Variants in KAT6B observed in about 807,000 individuals in gnomAD.
The protein encoded by KAT6B is lysine acetyltransferase 6B.
Under a neutral mutation model 187.5 loss-of-function variants are expected in KAT6B, and 10 were observed. The observed-to-expected ratio is 0.05, with a 90% CI of 0.03 to 0.09. The LOEUF (loss-of-function observed/expected upper bound fraction) is 0.09, where lower values mean the gene tolerates loss of function less well. Ranked by LOEUF, KAT6B falls within the 10% of genes least tolerant of loss-of-function variation. KAT6B has a pLI of 1.00. For synonymous variants in KAT6B, 861 were observed against 926.8 expected (o/e 0.93, Z 1.29); for missense variants, 1,952 against 2,558.9 (o/e 0.76, Z 5.12).
chr10:75,013,561 C>G (rs1032249538), intron 13 of KAT6B, among the ~76,000 whole-genome samples: 2 of 151,990 alleles, frequency 1.3e-5, no homozygotes, highest in Non-Finnish European at 2.9e-5. Context: ...CTGTTGTTTC[C>G]CTTCTGTCCA....
chr10:75,018,850 G>T (rs1301237774), intron 13 of KAT6B, among the ~76,000 whole-genome samples: 1 of 152,128 alleles, frequency 6.6e-6, no homozygotes, highest in African/African-American at 2.4e-5. Flanking sequence ...AAAGGGAATG[G>T]TTCTATATCC....
At chr10:74,957,238 G>A (rs1315555845) in intron 3 of KAT6B, among the ~76,000 whole-genome samples, 1 of 152,176 alleles carries the variant, frequency 6.6e-6, no homozygotes, top group South Asian at 2.1e-4. Flanking sequence ...TTGGCTACAC[G>A]GAGGTTAGCA....
At chr10:74,849,299 C>CT (rs11382578) in intron 3 of KAT6B, among the ~76,000 whole-genome samples, 42,686 of 145,384 alleles carry the variant, frequency 0.29, 10,385 homozygotes, top group African/African-American at 0.65. Flanking sequence ...TAACTAATGA[C>CT]TTTTTTTTTT....
intron 1 of KAT6B, among the ~76,000 whole-genome samples, chr10:74,836,461 A>G (rs990537344): frequency 1.3e-5 from 2 of 152,244 alleles, no homozygotes; most frequent in African/African-American, 4.8e-5. Context: ...TATTCCCCAT[A>G]GTACCTACCA....
At chr10:74,996,158 TCTTTA>T (rs1307734461) in intron 13 of KAT6B, among the ~76,000 whole-genome samples, 1 of 152,184 alleles carries the variant, frequency 6.6e-6, no homozygotes, top group Non-Finnish European at 1.5e-5. Context: ...ATTTTTTACC[TCTTTA>T]CTTTAACCTT....
chr10:74,912,627 C>G (rs1847327699), intron 3 of KAT6B, among the ~76,000 whole-genome samples: 1 of 152,170 alleles, frequency 6.6e-6, no homozygotes, highest in African/African-American at 2.4e-5. Context: ...TCTTTAACAT[C>G]AGTTATAACA....
At chr10:75,007,458 A>AT (rs956607092) in intron 13 of KAT6B, among the ~76,000 whole-genome samples, 221 of 149,276 alleles carry the variant, frequency 1.5e-3, no homozygotes, top group Middle Eastern at 7.0e-3. Context: ...TGACATTAAG[A>AT]TTTTTTTTTT....
At chr10:74,970,203 T>A in intron 6 of KAT6B, 102 bp downstream of exon 6, 1 of 819,932 alleles carries the variant, frequency 1.2e-6, no homozygotes, top group Non-Finnish European at 2.1e-6. Context: ...TAAGCATTTT[T>A]TTCATCCCTC....
In KAT6B at chr10:74,975,692, G is replaced by A; in HGVS notation, c.1355G>A (p.Arg452Gln). The A allele has an allele frequency of 1.9e-6, 3 of 1,614,178 alleles. No individual in the cohort carries two copies. Among genetic ancestry groups the A allele is most frequent in the Non-Finnish European group, 2.5e-6 (3 of 1,180,042 alleles). The change falls in exon 8 of 18, where the codon CGA (arginine) becomes CAA (glutamine). Residue 452 changes from arginine to glutamine, a missense_variant. Physicochemically the swap from Arg to Gln is conservative, Grantham distance 43 (BLOSUM62 1). This residue lies in a region of KAT6B where 417 missense variants were observed against 508.9 expected (regional missense o/e 0.82). Transcript: ENST00000287239. ...CCATCACCTGATGGTCGCAGATCAC[G>A]AGGTGAAATTATAGACTTTTCAAAG... ...FTPSPDGRRS[R>Q]GEIIDFSKHY... is the part of the protein sequence containing the mutation.
intron 4 of KAT6B, among the ~76,000 whole-genome samples, chr10:74,962,792 GT>G (rs1174027630): frequency 5.9e-5 from 9 of 151,400 alleles, no homozygotes; most frequent in Admixed American, 5.3e-4. Context: ...AAATTTATCT[GT>G]TTTTAAAGGG....
At chr10:74,915,432 A>G (rs1267529612) in intron 3 of KAT6B, among the ~76,000 whole-genome samples, 3 of 152,196 alleles carry the variant, frequency 2.0e-5, no homozygotes, top group Admixed American at 2.0e-4. Flanking sequence ...TGTCTAGCTA[A>G]CGCTCACTCA....
chr10:74,957,939 C>CAA (rs1360663625), intron 3 of KAT6B, among the ~76,000 whole-genome samples: 1 of 152,160 alleles, frequency 6.6e-6, no homozygotes, highest in African/African-American at 2.4e-5. Flanking sequence ...TTTCGTTTTT[C>CAA]TAGTACAGAA....
rs757770040 is a variant in KAT6B, at chr10:74,977,336, A to G, written c.2014A>G (p.Ile672Val). The G allele has an allele frequency of 3.7e-6, 6 of 1,613,668 alleles. No homozygotes were observed. Among genetic ancestry groups the G allele is most frequent in the Middle Eastern group, 1.7e-4 (1 of 6,058 alleles). Residue 672 changes from isoleucine (I) to valine (V), a missense_variant, in exon 9 of 18, where the codon ATC becomes GTC. Ile to Val is a conservative substitution (Grantham distance 29). This residue lies in a region of KAT6B where 417 missense variants were observed against 508.9 expected (regional missense o/e 0.82). Transcript: ENST00000287239. Reference sequence around the variant, plus strand: ...GACAGATACTGAAATAAAAATAAACATCAAACAAGAAAGTGCAGATGTAAA... The same window carrying G: ...GACAGATACTGAAATAAAAATAAACGTCAAACAAGAAAGTGCAGATGTAAA... ...QDDDTEIKIN[I>V]KQESADVNVI...
chr10:74,837,560 G>GA (rs554920568), intron 1 of KAT6B, among the ~76,000 whole-genome samples: 13 of 148,412 alleles, frequency 8.8e-5, no homozygotes, highest in East Asian at 5.9e-4. Flanking sequence ...TCCAAATCAG[G>GA]AAAAAAAAAA....
intron 3 of KAT6B, among the ~76,000 whole-genome samples, chr10:74,884,614 G>A (rs1351112692): frequency 6.6e-6 from 1 of 152,126 alleles, no homozygotes; most frequent in African/African-American, 2.4e-5. Context: ...TGTTGCCCAG[G>A]CTGGAGTGCA....
At position 75,029,881 on chromosome 10, in the gene KAT6B, A is replaced by G. The variant is rs1041940434; in HGVS notation, c.5057A>G (p.Tyr1686Cys). The G allele has an allele frequency of 6.2e-7, 1 of 1,614,104 alleles. No individual in the cohort carries two copies. Reference sequence around the variant, plus strand: ...GAGAACTACGAAAACCCAAGCAGCTACGATTCTACTATGGGAGGCAGCATC... The same window carrying G: ...GAGAACTACGAAAACCCAAGCAGCTGCGATTCTACTATGGGAGGCAGCATC... ...TTENYENPSS[Y>C]DSTMGGSICG... The change falls in exon 18 of 18, where the codon TAC (tyrosine) becomes TGC (cysteine). Residue 1686 changes from tyrosine to cysteine, a missense_variant. Tyr to Cys is a radical substitution (Grantham distance 194, BLOSUM62 -2). Coordinates refer to ENST00000287239, the MANE Select transcript of KAT6B (RefSeq NM_012330.4). The surrounding 1 kb of genome is among the most constrained non-coding windows in gnomAD (Gnocchi z 6.2).
intron 3 of KAT6B, among the ~76,000 whole-genome samples, chr10:74,915,806 A>G (rs1847631979): frequency 6.6e-6 from 1 of 152,208 alleles, no homozygotes; most frequent in African/African-American, 2.4e-5. Flanking sequence ...GCTCATTGCC[A>G]CTGTTATTGA....
intron 3 of KAT6B, among the ~76,000 whole-genome samples, chr10:74,952,754 T>G (rs1208171344): frequency 1.3e-5 from 2 of 151,922 alleles, no homozygotes; most frequent in Non-Finnish European, 2.9e-5. Flanking sequence ...TGGCGCGGTC[T>G]TGGCTCACTG....
chr10:74,981,060 A>T (rs1384803488), intron 10 of KAT6B, among the ~76,000 whole-genome samples: 2 of 152,250 alleles, frequency 1.3e-5, no homozygotes, highest in African/African-American at 4.8e-5. Flanking sequence ...ATAATTGGAA[A>T]TAAGATAGTA....
Sources: gnomAD v4.1 joint callset for allele counts (sites outside exome capture counted in the v4.1 genomes callset) on GRCh38, gnomAD v4.1.1 for gene constraint, gnomAD v4.1.1 regional missense constraint, Gnocchi (gnomAD v3.1) non-coding constraint, MANE v1.5 for transcripts, NCBI Gene and HGNC (gene_info 2026-07-23, HGNC 2026-07-21) for gene names.